SLC35F4: variants seen among roughly 807,000 people sequenced by gnomAD.
The protein encoded by SLC35F4 is solute carrier family 35 member F4, also known as chromosome 14 open reading frame 36.
Under a neutral mutation model 44.2 loss-of-function variants are expected in SLC35F4, and 24 were observed. The ratio of observed to expected loss-of-function variants is 0.54; its 90% confidence interval spans 0.39 to 0.76. The LOEUF (loss-of-function observed/expected upper bound fraction) is 0.76, where lower values mean the gene tolerates loss of function less well. SLC35F4 is among the 30% of genes least tolerant of loss of function. The probability of loss-of-function intolerance (pLI) is 0.00; values close to 1 mark genes in which losing one functional copy is unlikely to be tolerated. For synonymous variants in SLC35F4, 238 were observed against 223.6 expected, an observed-to-expected ratio of 1.06 and a Z score of -0.57; for missense variants, 562 against 586.1, an observed-to-expected ratio of 0.96 and a Z score of 0.42.
chr14:57,579,784 T>G (rs985872285), intron 4 of SLC35F4, among the ~76,000 whole-genome samples: 6 of 152,228 alleles, frequency 3.9e-5, no homozygotes, highest in African/African-American at 4.8e-5. Context: ...ATGACTTATG[T>G]TGATATATAG....
chr14:57,796,266 A>G (rs1475459927), intron 1 of SLC35F4, among the ~76,000 whole-genome samples: 4 of 152,152 alleles, frequency 2.6e-5, no homozygotes, highest in Non-Finnish European at 5.9e-5. Flanking sequence ...ATGTGTGCAT[A>G]TGTCTTTATG....
intron 1 of SLC35F4, among the ~76,000 whole-genome samples, chr14:57,755,276 G>A (rs912320570): frequency 3.3e-5 from 5 of 152,146 alleles, no homozygotes; most frequent in Admixed American, 2.0e-4. Flanking sequence ...CTTCAGCCAC[G>A]GAAATCTAAA....
upstream of SLC35F4, among the ~76,000 whole-genome samples, chr14:57,867,362 T>G (rs1440369218): frequency 6.6e-6 from 1 of 152,192 alleles, no homozygotes; most frequent in Non-Finnish European, 1.5e-5. Flanking sequence ...TGTTTTGGGT[T>G]TTCATCCAAA....
chr14:57,630,621 TCA>T (rs927667620), intron 1 of SLC35F4: 23 of 798,400 alleles, frequency 2.9e-5, no homozygotes, highest in Admixed American at 2.7e-4. Flanking sequence ...TCAGTCAAAA[TCA>T]CAGTCTATGT....
At chr14:57,835,772 G>A (rs1333955156) in intron 1 of SLC35F4, among the ~76,000 whole-genome samples, 1 of 152,198 alleles carries the variant, frequency 6.6e-6, no homozygotes, top group Non-Finnish European at 1.5e-5. Context: ...AGCCTCGCTA[G>A]TCTGTCAAAG....
intron 1 of SLC35F4, among the ~76,000 whole-genome samples, chr14:57,614,571 A>G (rs763575049): frequency 1.6e-4 from 25 of 152,268 alleles, no homozygotes; most frequent in Non-Finnish European, 2.5e-4. Context: ...AGAATTTTTA[A>G]TAACTAAGAA....
chr14:57,840,703 CT>C (rs1428294881), intron 1 of SLC35F4, among the ~76,000 whole-genome samples: 7 of 152,130 alleles, frequency 4.6e-5, no homozygotes, highest in African/African-American at 1.7e-4. Context: ...TGAAGACCAC[CT>C]AATTAATTTT....
intron 6 of SLC35F4, among the ~76,000 whole-genome samples, chr14:57,569,140 C>T (rs930865827): frequency 1.3e-5 from 2 of 152,128 alleles, no homozygotes; most frequent in African/African-American, 4.8e-5. Context: ...CCAGGATCAC[C>T]AAGCCTAGTG....
intron 1 of SLC35F4, among the ~76,000 whole-genome samples, chr14:57,836,340 T>A (rs759178527): frequency 1.3e-5 from 2 of 152,230 alleles, no homozygotes; most frequent in African/African-American, 2.4e-5. Flanking sequence ...GTCACCAGGC[T>A]GGAGTGCAGT....
chr14:57,689,122 C>T (rs1426198803), intron 1 of SLC35F4, among the ~76,000 whole-genome samples: 3 of 152,158 alleles, frequency 2.0e-5, no homozygotes, highest in Non-Finnish European at 4.4e-5. Flanking sequence ...ATAAGTGCTT[C>T]AAATTCAGCA....
At chr14:57,651,091 T>C (rs1029367557) in intron 1 of SLC35F4, among the ~76,000 whole-genome samples, 3 of 152,200 alleles carry the variant, frequency 2.0e-5, no homozygotes, top group Middle Eastern at 3.2e-3. Flanking sequence ...CATCAGTGTG[T>C]TCACTGGTAT....
At chr14:57,829,122 C>T (rs1343426983) in intron 1 of SLC35F4, among the ~76,000 whole-genome samples, 1 of 152,160 alleles carries the variant, frequency 6.6e-6, no homozygotes, top group Non-Finnish European at 1.5e-5. Flanking sequence ...GTTCTGACAT[C>T]CAAGCACCAA....
At chr14:57,666,962 C>G (rs17093540) in intron 1 of SLC35F4, among the ~76,000 whole-genome samples, 3,009 of 151,332 alleles carry the variant, frequency 0.02, 109 homozygotes, top group African/African-American at 0.07. Context: ...GCCAAATGCA[C>G]GGAGTTCTCT....
At chr14:57,862,616 T>C (rs1357200001) in intron 1 of SLC35F4, among the ~76,000 whole-genome samples, 2 of 152,192 alleles carry the variant, frequency 1.3e-5, no homozygotes, top group Non-Finnish European at 2.9e-5. Flanking sequence ...ATCTTTGCGC[T>C]AGCTATTCCC....
chr14:57,961,706 C>T (rs774031670), intron 1 of SLC35F4, among the ~76,000 whole-genome samples: 9 of 152,186 alleles, frequency 5.9e-5, no homozygotes, highest in African/African-American at 1.2e-4. Flanking sequence ...TATGTCCAGC[C>T]GCACTGGAGG....
rs531593275 is a variant in SLC35F4, at chr14:57,624,896, A to C, written c.104-30772T>G. 9.2e-5 allele frequency among the ~76,000 whole-genome samples: 14 copies of C among 152,338 alleles called. 1 individual carries two copies. Among genetic ancestry groups the C allele is most frequent in the Middle Eastern group, 6.8e-3 (2 of 294 alleles). On this transcript the variant is annotated intron_variant, in intron 1 of 7. Coordinates refer to ENST00000556826, the MANE Select transcript of SLC35F4 (RefSeq NM_001306087.2). ...AGCATTCCCTTTGAAAACCGGCACA[A>C]GACAAGGATGCCCTCTCTCACCACT...
chr14:57,782,379 C>CAAAA lies in SLC35F4; in HGVS notation c.103+83340_103+83343dup, dbSNP rs76733800. 7.2e-3 allele frequency among the ~76,000 whole-genome samples: 1,005 copies of CAAAA among 138,842 alleles called. 8 individuals are homozygous for CAAAA. The highest frequency in any genetic ancestry group is 0.024 in the African/African-American group (923 of 38,342). 91.1% of individuals were successfully genotyped at this position (138,842 alleles called of 152,430 possible). On this transcript the variant is annotated intron_variant, in intron 1 of 7. Transcript: ENST00000556826. The stretch of plus-strand genomic sequence containing the variant: ...GAAAAACTGAGTAGCCTAGAAATAT[C>CAAAA]AAAAAAAAAAGAAAAAGGCATGTCA...
intron 1 of SLC35F4, among the ~76,000 whole-genome samples, chr14:57,628,709 G>A (rs2072605709): frequency 6.6e-6 from 1 of 152,050 alleles, no homozygotes; most frequent in Admixed American, 6.6e-5. Context: ...TTGCTGAAAT[G>A]TTAGCAAAGT....
chr14:57,739,974 C>T (rs1467628609), intron 1 of SLC35F4, among the ~76,000 whole-genome samples: 1 of 152,130 alleles, frequency 6.6e-6, no homozygotes, highest in East Asian at 1.9e-4. Context: ...ATTCTCCTGC[C>T]TCAGCCTCCT....
Sources: gnomAD v4.1 joint callset for allele counts (sites outside exome capture counted in the v4.1 genomes callset) on GRCh38, gnomAD v4.1.1 for gene constraint, MANE v1.5 for transcripts, NCBI Gene and HGNC (gene_info 2026-07-23, HGNC 2026-07-21) for gene names.